Variants in PLCH1 observed in about 807,000 individuals in gnomAD.
The protein encoded by PLCH1 is 1-phosphatidylinositol 4,5-bisphosphate phosphodiesterase eta-1.
Under a neutral mutation model 126.7 loss-of-function variants are expected in PLCH1, and 60 were observed. The ratio of observed to expected loss-of-function variants is 0.47; its 90% confidence interval spans 0.38 to 0.59. PLCH1 has a LOEUF of 0.59. Among genes scored for constraint, PLCH1 ranks in the 20% least tolerant of loss-of-function variants. The pLI, the probability that PLCH1 is intolerant of heterozygous loss-of-function variation, is 0.00. For missense variants in PLCH1, 1,723 were observed against 2,040.0 expected (o/e 0.84, Z 2.99); for synonymous variants, 719 against 734.9 (o/e 0.98, Z 0.35).
At chr3:155,593,794 G>C in intron 4 of PLCH1, 147 bp downstream of exon 4, 1 of 710,086 alleles carries the variant, frequency 1.4e-6, no homozygotes, top group Non-Finnish European at 2.3e-6. Context: ...TGAGAGTCAG[G>C]AGGGGAGAAG....
intron 2 of PLCH1, among the ~76,000 whole-genome samples, chr3:155,663,159 T>C (rs1742371715): frequency 3.9e-5 from 6 of 152,242 alleles, no homozygotes; most frequent in Admixed American, 3.9e-4. Context: ...GTAAATCTCC[T>C]AGGAGAAACA....
chr3:155,557,209 T>A (rs1726935635), intron 8 of PLCH1, among the ~76,000 whole-genome samples: 1 of 152,144 alleles, frequency 6.6e-6, no homozygotes, highest in African/African-American at 2.4e-5. Context: ...CAGTCTTTAA[T>A]TTGTCTCTGG....
chr3:155,572,062 C>T (rs968359359), intron 6 of PLCH1, among the ~76,000 whole-genome samples: 2 of 152,180 alleles, frequency 1.3e-5, no homozygotes, highest in Non-Finnish European at 2.9e-5. Flanking sequence ...AATGGTCTCT[C>T]AAGTTCCACA....
At chr3:155,537,223 A>AAAAAAAC (rs1723542797) in intron 10 of PLCH1, among the ~76,000 whole-genome samples, 1 of 10,780 alleles carries the variant, frequency 9.3e-5, no homozygotes, top group Non-Finnish European at 9.9e-4. Context: ...AAAAAAAAAA[A>AAAAAAAC]AAAAAAAAAA....
intron 21 of PLCH1, among the ~76,000 whole-genome samples, chr3:155,473,740 G>T (rs1482620447): frequency 1.3e-5 from 2 of 151,314 alleles, no homozygotes; most frequent in South Asian, 2.1e-4. Flanking sequence ...ATAGATCAAT[G>T]GAACAGAACA....
intron 10 of PLCH1, among the ~76,000 whole-genome samples, chr3:155,535,278 G>T (rs1723197620): frequency 6.6e-6 from 1 of 152,192 alleles, no homozygotes; most frequent in Non-Finnish European, 1.5e-5. Context: ...CAGAATCTGG[G>T]GGCAGTGACG....
chr3:155,614,480 A>G (rs1262938287), intron 2 of PLCH1, among the ~76,000 whole-genome samples: 1 of 152,198 alleles, frequency 6.6e-6, no homozygotes, highest in Non-Finnish European at 1.5e-5. Flanking sequence ...TAGAGAACTA[A>G]GACTAAGTAA....
intron 2 of PLCH1, among the ~76,000 whole-genome samples, chr3:155,689,236 G>T (rs1745191750): frequency 6.6e-6 from 1 of 152,106 alleles, no homozygotes; most frequent in Non-Finnish European, 1.5e-5. Context: ...CTACGAGTCT[G>T]AAAAAAACAC....
At chr3:155,542,839 A>G (rs1387723910) in intron 10 of PLCH1, among the ~76,000 whole-genome samples, 1 of 152,108 alleles carries the variant, frequency 6.6e-6, no homozygotes, top group African/African-American at 2.4e-5. Context: ...TGTCTGTTAG[A>G]AGGAAAACTA....
intron 15 of PLCH1, among the ~76,000 whole-genome samples, chr3:155,496,750 G>A (rs1191069144): frequency 6.6e-6 from 1 of 152,156 alleles, no homozygotes; most frequent in Admixed American, 6.5e-5. Context: ...GAAAGCCAAG[G>A]ATATGAATAG....
intron 2 of PLCH1, among the ~76,000 whole-genome samples, chr3:155,696,440 G>T (rs1271427702): frequency 6.6e-6 from 1 of 152,102 alleles, no homozygotes; most frequent in African/African-American, 2.4e-5. Context: ...AAACAATTAT[G>T]TTGCCCTAGA....
At chr3:155,568,372 T>C (rs751257236) in intron 6 of PLCH1, 48 bp from the exon 7 acceptor site, 5 of 788,142 alleles carry the variant, frequency 6.3e-6, no homozygotes, top group South Asian at 3.1e-5. Flanking sequence ...TCATAAACTA[T>C]GTTCCTCCAC....
chr3:155,652,115 T>A (rs534813180), intron 2 of PLCH1, among the ~76,000 whole-genome samples: 1 of 152,354 alleles, frequency 6.6e-6, no homozygotes, highest in African/African-American at 2.4e-5. Flanking sequence ...ATTTTAGCAT[T>A]TATTTGACTT....
At chr3:155,615,973 T>A (rs1735749282) in intron 2 of PLCH1, among the ~76,000 whole-genome samples, 1 of 152,220 alleles carries the variant, frequency 6.6e-6, no homozygotes, top group Non-Finnish European at 1.5e-5. Flanking sequence ...CTGTCCTTAC[T>A]AGATGCTTTA....
chr3:155,529,655 T>C (rs938301140), intron 10 of PLCH1, among the ~76,000 whole-genome samples: 9 of 152,216 alleles, frequency 5.9e-5, no homozygotes, highest in African/African-American at 2.2e-4. Context: ...CTTTGGCAAA[T>C]TGTAATCATT....
At chr3:155,593,224 G>A (rs1732448284) in intron 4 of PLCH1, among the ~76,000 whole-genome samples, 1 of 152,124 alleles carries the variant, frequency 6.6e-6, no homozygotes, top group South Asian at 2.1e-4. Flanking sequence ...TTACAGATAA[G>A]GAAACTGAGG....
intron 8 of PLCH1, among the ~76,000 whole-genome samples, chr3:155,554,549 C>A (rs1393226160): frequency 1.2e-4 from 4 of 33,770 alleles, no homozygotes; most frequent in African/African-American, 2.0e-4. Flanking sequence ...AATTTCACTT[C>A]TTCTTCTTCT....
At chr3:155,618,846 G>T (rs116461172) in intron 2 of PLCH1, among the ~76,000 whole-genome samples, 1 of 152,062 alleles carries the variant, frequency 6.6e-6, no homozygotes, top group Non-Finnish European at 1.5e-5. Flanking sequence ...CCACCAAGTG[G>T]CCCATTACCC....
chr3:155,538,836 G>C (rs1241328031), intron 10 of PLCH1, among the ~76,000 whole-genome samples: 1 of 151,798 alleles, frequency 6.6e-6, no homozygotes, highest in Non-Finnish European at 1.5e-5. Context: ...GCAAAGAACT[G>C]GTACCAAATC....
Sources: gnomAD v4.1 joint callset for allele counts (sites outside exome capture counted in the v4.1 genomes callset) on GRCh38, gnomAD v4.1.1 for gene constraint, MANE v1.5 for transcripts, NCBI Gene and HGNC (gene_info 2026-07-23, HGNC 2026-07-21) for gene names.